The following SLC12A2 variants were observed in gnomAD, a reference collection of about 807,000 sequenced individuals.
SLC12A2 encodes the protein solute carrier family 12 member 2.
Under a neutral mutation model 136.3 loss-of-function variants are expected in SLC12A2, and 67 were observed. The observed-to-expected ratio is 0.49, with a 90% CI of 0.40 to 0.60. SLC12A2 has a LOEUF of 0.60. Ranked by LOEUF, SLC12A2 falls within the 20% of genes least tolerant of loss-of-function variation. The pLI, the probability that SLC12A2 is intolerant of heterozygous loss-of-function variation, is 0.00. For synonymous variants in SLC12A2, 619 were observed against 562.9 expected (o/e 1.10, Z -1.41); for missense variants, 1,322 against 1,534.7 (o/e 0.86, Z 2.32).
intron 11 of SLC12A2, 70 bp from the exon 12 acceptor site, chr5:128,148,684 C>A: frequency 7.8e-7 from 1 of 1,282,502 alleles, no homozygotes; most frequent in South Asian, 1.5e-5. Flanking sequence ...CCTGATTAAC[C>A]TATTAGAACT....
At position 128,135,699 on chromosome 5, in the gene SLC12A2, G is replaced by A; in HGVS notation, c.1300-1G>A. On this transcript the variant is annotated splice_acceptor_variant, in intron 6 of 26. Coordinates refer to ENST00000262461, the MANE Select transcript of SLC12A2 (RefSeq NM_001046.3). LOFTEE classifies it high-confidence loss of function. ...TTAATTTTTAATGTTTAAAATTGCA[G>A]GCTCAGATTGTTCTTTTGGTGATCC... The A allele has an allele frequency of 6.3e-7, 1 of 1,581,896 alleles. No individual in the cohort carries two copies. The highest frequency in any genetic ancestry group is 8.7e-7 in the Non-Finnish European group (1 of 1,151,866).
chr5:128,144,386 TGAG>T (rs1762464436), intron 10 of SLC12A2, among the ~76,000 whole-genome samples: 1 of 152,124 alleles, frequency 6.6e-6, no homozygotes, highest in Non-Finnish European at 1.5e-5. Context: ...AGGACATAAA[TGAG>T]GAGTATGTAA....
intron 1 of SLC12A2, among the ~76,000 whole-genome samples, chr5:128,099,072 A>G (rs768968670): frequency 6.6e-6 from 1 of 152,076 alleles, no homozygotes. Flanking sequence ...CTTCTTTTTC[A>G]TTTACTCTGG....
At chr5:128,110,512 G>A (rs1761105020) in intron 1 of SLC12A2, 1 of 1,433,298 alleles carries the variant, frequency 7.0e-7, no homozygotes, top group Non-Finnish European at 9.8e-7. Flanking sequence ...CTTTAAACAT[G>A]ATGAAAACCT....
rs753901714 is a variant in SLC12A2 at position 128,131,071 on chromosome 5, A to G, written c.1053A>G (p.Gly351=). ...TGTTTGTTTGTTTGTTTTTAGGAGG[A>G]GCATATTATTTAATATCTAGAAGTC... is the stretch of plus-strand genomic sequence containing the variant. ...IATNGFVRGG[G]AYYLISRSLG... is the part of the protein sequence containing the mutation. The change falls in exon 5 of 27, where the codon GGA becomes GGG. Residue 351 remains glycine, a synonymous_variant. Coordinates refer to ENST00000262461, the MANE Select transcript of SLC12A2 (RefSeq NM_001046.3). 6.2e-7 allele frequency: 1 copy of G among 1,613,598 alleles called. No homozygotes were observed. Among genetic ancestry groups the G allele is most frequent in the Non-Finnish European group, 8.5e-7 (1 of 1,179,740 alleles).
At chr5:128,181,874 A>G (rs1430806005) in intron 23 of SLC12A2, among the ~76,000 whole-genome samples, 1 of 151,660 alleles carries the variant, frequency 6.6e-6, no homozygotes. Flanking sequence ...TTATCTCTTT[A>G]AATACTGCAT....
At chr5:128,104,753 G>A (rs1760873651) in intron 1 of SLC12A2, among the ~76,000 whole-genome samples, 1 of 151,914 alleles carries the variant, frequency 6.6e-6, no homozygotes, top group South Asian at 2.1e-4. Context: ...CTTCTTTAAA[G>A]GTAGTCTGGT....
At chr5:128,123,148 G>A (rs960452262) in intron 4 of SLC12A2, among the ~76,000 whole-genome samples, 1 of 151,962 alleles carries the variant, frequency 6.6e-6, no homozygotes, top group Non-Finnish European at 1.5e-5. Context: ...TGCAGAATTA[G>A]GGTTATATGT....
Position 128,181,011 on chromosome 5 carries a change from T to C in SLC12A2, c.3212+17T>C, listed in dbSNP as rs1581142451. ...CCGGAGAGCGTAAGTTTATTTCACATTGAAGGGCATGAATCTATTAGCACT... is the reference window on the plus strand; with the variant it reads ...CCGGAGAGCGTAAGTTTATTTCACACTGAAGGGCATGAATCTATTAGCACT... On this transcript the variant is annotated intron_variant, in intron 23 of 26. Transcript: ENST00000262461. 7.2e-7 allele frequency: 1 copy of C among 1,387,840 alleles called. No homozygotes were observed. Among genetic ancestry groups the C allele is most frequent in the Admixed American group, 1.7e-5 (1 of 59,238 alleles). 86.0% of individuals were successfully genotyped at this position (1,387,840 alleles called of 1,614,324 possible). A position where few individuals can be genotyped will look rare whatever the true frequency, so the allele number is the denominator to read the frequency against.
In SLC12A2 at chr5:128,188,269, TA is replaced by T. The variant is rs1763928410; in HGVS notation, c.*1639del. 1 of 151,648 alleles carries T rather than the reference TA, an allele frequency of 6.6e-6. No individual in the cohort carries two copies. Among genetic ancestry groups the T allele is most frequent in the African/African-American group, 2.4e-5 (1 of 41,274 alleles). The allele number at this position is 151,648 out of a possible 1,614,324, so 9.4% of individuals were successfully genotyped here. ...ATACAAGTTTCTGTGGTGGAAAATT[TA>T]TGCAGGTTTTCACGAATCCTTTTTT... On this transcript the variant is annotated 3_prime_UTR_variant, in exon 27 of 27. Coordinates refer to ENST00000262461, the MANE Select transcript of SLC12A2 (RefSeq NM_001046.3).
At chr5:128,117,194 C>T (rs757637039) in intron 4 of SLC12A2, among the ~76,000 whole-genome samples, 6 of 152,046 alleles carry the variant, frequency 3.9e-5, no homozygotes, top group Non-Finnish European at 7.4e-5. Context: ...GCTTAGACAC[C>T]TTTTCAGATC....
intron 4 of SLC12A2, among the ~76,000 whole-genome samples, chr5:128,119,199 TAAAAG>T (rs1482264004): frequency 6.6e-6 from 1 of 152,158 alleles, no homozygotes; most frequent in Non-Finnish European, 1.5e-5. Flanking sequence ...ACTGGTGTCT[TAAAAG>T]GAAATGGAAA....
intron 11 of SLC12A2, 57 bp downstream of exon 11, chr5:128,147,786 A>C: frequency 9.7e-7 from 1 of 1,028,814 alleles, no homozygotes; most frequent in Non-Finnish European, 1.5e-6. Flanking sequence ...AATACTTCTC[A>C]ATTTAGAATT....
intron 17 of SLC12A2, among the ~76,000 whole-genome samples, chr5:128,164,662 T>G (rs58603816): frequency 0.046 from 7,055 of 152,220 alleles, 548 homozygotes; most frequent in African/African-American, 0.16. Flanking sequence ...TGTACATTAA[T>G]TTGTTTGTAC....
chr5:128,122,250 C>A (rs1436676690), intron 4 of SLC12A2, among the ~76,000 whole-genome samples: 2 of 152,126 alleles, frequency 1.3e-5, no homozygotes, highest in African/African-American at 4.8e-5. Flanking sequence ...CATAAACTTG[C>A]CTATTCCATG....
At chr5:128,110,163 A>G (rs1761090493) in intron 1 of SLC12A2, 1 of 836,214 alleles carries the variant, frequency 1.2e-6, no homozygotes, top group South Asian at 1.3e-5. Context: ...AAAGGTGAAG[A>G]TGCCAGATGT....
chr5:128,092,530 TAAA>T (rs1036940409), intron 1 of SLC12A2, among the ~76,000 whole-genome samples: 22 of 152,210 alleles, frequency 1.4e-4, no homozygotes, highest in Admixed American at 3.3e-4. Context: ...ATATGTCATT[TAAA>T]AAAGTAAAGA....
rs778158149 is a variant in SLC12A2, at chr5:128,171,704, C to T, written c.2761C>T (p.Arg921Cys). 1.9e-5 allele frequency: 30 copies of T among 1,579,706 alleles called. No homozygotes were observed. Among genetic ancestry groups the T allele is most frequent in the East Asian group, 1.2e-4 (5 of 43,474 alleles). ...FDIQYGVVVIRLKEGLDISHL... is the reference protein window; with the variant it reads ...FDIQYGVVVICLKEGLDISHL... ...CATACAATATGGAGTAGTGGTTATT[C>T]GCCTAAAAGAAGGTCTGGATATATC... Residue 921 changes from arginine to cysteine, a missense_variant, in exon 19 of 27, where the codon CGC (arginine) becomes TGC (cysteine). Arg to Cys is a radical substitution (Grantham distance 180). This residue lies in a region of SLC12A2 where 226 missense variants were observed against 210.4 expected (regional missense o/e 1.07). Transcript: ENST00000262461.
chr5:128,162,120 G>C (rs547596516), intron 17 of SLC12A2, among the ~76,000 whole-genome samples: 1 of 152,088 alleles, frequency 6.6e-6, no homozygotes, highest in Admixed American at 6.6e-5. Flanking sequence ...CTTCTGATCC[G>C]TTTCTGTTGT....
Sources: gnomAD v4.1 joint callset for allele counts (sites outside exome capture counted in the v4.1 genomes callset) on GRCh38, gnomAD v4.1.1 for gene constraint, gnomAD v4.1.1 regional missense constraint, MANE v1.5 for transcripts, NCBI Gene and HGNC (gene_info 2026-07-23, HGNC 2026-07-21) for gene names.